CDIN1: variants seen among roughly 807,000 people sequenced by gnomAD.
The protein encoded by CDIN1 is CDAN1 interacting nuclease 1.
Under a neutral mutation model 45.3 loss-of-function variants are expected in CDIN1, and 33 were observed. The ratio of observed to expected loss-of-function variants is 0.73; its 90% CI spans 0.55 to 0.97. CDIN1 has a LOEUF of 0.97. Ranked by LOEUF, CDIN1 falls within the 50% of genes least tolerant of loss-of-function variation. CDIN1 has a pLI of 0.00. For synonymous variants in CDIN1, 118 were observed against 124.4 expected (o/e 0.95, Z 0.34); for missense variants, 303 against 339.4 (o/e 0.89, Z 0.84).
At chr15:36,678,511 G>C (rs1278699768) in intron 5 of CDIN1, among the ~76,000 whole-genome samples, 1 of 152,178 alleles carries the variant, frequency 6.6e-6, no homozygotes, top group Non-Finnish European at 1.5e-5. Context: ...CCATCCAGCT[G>C]TTCAGTTGCA....
At chr15:36,784,868 C>A (rs2054449506) in intron 10 of CDIN1, among the ~76,000 whole-genome samples, 1 of 152,138 alleles carries the variant, frequency 6.6e-6, no homozygotes, top group African/African-American at 2.4e-5. Context: ...GGCTGGAATT[C>A]CTGTAAGCTC....
chr15:36,774,492 C>CA (rs879547544), intron 10 of CDIN1, among the ~76,000 whole-genome samples: 2,914 of 140,596 alleles, frequency 0.021, 93 homozygotes, highest in African/African-American at 0.069. Context: ...TTTCATTTAG[C>CA]AAAAAAAAAA....
chr15:36,643,497 G>A (rs978059803), intron 1 of CDIN1, among the ~76,000 whole-genome samples: 2 of 152,210 alleles, frequency 1.3e-5, no homozygotes, highest in East Asian at 3.8e-4. Context: ...TAAGTTAGAC[G>A]TGTCTGTAAA....
At chr15:36,650,948 A>G (rs1385769723) in intron 3 of CDIN1, among the ~76,000 whole-genome samples, 1 of 152,022 alleles carries the variant, frequency 6.6e-6, no homozygotes, top group Non-Finnish European at 1.5e-5. Flanking sequence ...CTGTAGTCTC[A>G]GCTACTTGGG....
At chr15:36,630,793 G>A (rs2039647721) in intron 1 of CDIN1, among the ~76,000 whole-genome samples, 1 of 152,174 alleles carries the variant, frequency 6.6e-6, no homozygotes, top group Non-Finnish European at 1.5e-5. Flanking sequence ...GAGCTGATAT[G>A]TGCAGAGACC....
At chr15:36,727,453 A>T (rs2043677208) in intron 10 of CDIN1, among the ~76,000 whole-genome samples, 1 of 151,964 alleles carries the variant, frequency 6.6e-6, no homozygotes, top group Admixed American at 6.6e-5. Flanking sequence ...CAGTGGAGTG[A>T]TGGGTAATGA....
intron 10 of CDIN1, among the ~76,000 whole-genome samples, chr15:36,721,786 C>G (rs142567484): frequency 9.9e-5 from 15 of 152,024 alleles, no homozygotes; most frequent in East Asian, 1.9e-4. Context: ...CTCTCTCTCT[C>G]TCTGTCTGTC....
intron 10 of CDIN1, among the ~76,000 whole-genome samples, chr15:36,796,873 T>A (rs1344141265): frequency 6.6e-6 from 1 of 152,264 alleles, no homozygotes; most frequent in Non-Finnish European, 1.5e-5. Flanking sequence ...ACTATAAAGT[T>A]GACCTTTGAA....
At chr15:36,644,239 C>A in intron 1 of CDIN1, 39 bp from the exon 2 acceptor site, 2 of 1,601,590 alleles carry the variant, frequency 1.2e-6, no homozygotes, top group Non-Finnish European at 1.7e-6. Flanking sequence ...TTGCCGTGCA[C>A]TCCAGTAATT....
intron 5 of CDIN1, among the ~76,000 whole-genome samples, chr15:36,664,648 G>A (rs1468492715): frequency 5.3e-5 from 8 of 152,038 alleles, no homozygotes; most frequent in African/African-American, 1.2e-4. Flanking sequence ...CCGGGTTCAC[G>A]CCATTCTCCT....
intron 1 of CDIN1, among the ~76,000 whole-genome samples, chr15:36,598,438 C>T (rs2037940730): frequency 6.6e-6 from 1 of 152,190 alleles, no homozygotes; most frequent in Admixed American, 6.5e-5. Context: ...ATCGTTCTCC[C>T]AGACATGATC....
intron 1 of CDIN1, among the ~76,000 whole-genome samples, chr15:36,640,291 A>G (rs2040056165): frequency 1.3e-5 from 2 of 152,080 alleles, no homozygotes; most frequent in South Asian, 4.1e-4. Context: ...CATTGCTTTT[A>G]TAGAAAATAC....
intron 7 of CDIN1, 111 bp downstream of exon 7, chr15:36,692,286 C>A: frequency 1.0e-6 from 1 of 989,788 alleles, no homozygotes; most frequent in Non-Finnish European, 1.5e-6. Flanking sequence ...ACATTTCATA[C>A]TCTTCTATTT....
At chr15:36,794,286 C>T (rs1440496608) in intron 10 of CDIN1, among the ~76,000 whole-genome samples, 1 of 152,010 alleles carries the variant, frequency 6.6e-6, no homozygotes, top group Non-Finnish European at 1.5e-5. Flanking sequence ...TCTCGATCTC[C>T]TGACTTCGTG....
intron 10 of CDIN1, among the ~76,000 whole-genome samples, chr15:36,762,400 T>G (rs2141000884): frequency 6.6e-6 from 1 of 152,366 alleles, no homozygotes; most frequent in Non-Finnish European, 1.5e-5. Context: ...TATTCTGTTC[T>G]GATTTATCTA....
chr15:36,657,148 A>G (rs1157581703), intron 4 of CDIN1, among the ~76,000 whole-genome samples: 1 of 152,144 alleles, frequency 6.6e-6, no homozygotes. Flanking sequence ...TCTTTATTTT[A>G]AAAAGTTACC....
intron 1 of CDIN1, among the ~76,000 whole-genome samples, chr15:36,623,872 A>G (rs2039309093): frequency 6.6e-6 from 1 of 152,244 alleles, no homozygotes. Context: ...TTAAGAACCT[A>G]GAGTCTAAGG....
chr15:36,692,657 C>A (rs890088352), intron 7 of CDIN1, among the ~76,000 whole-genome samples: 5 of 152,130 alleles, frequency 3.3e-5, no homozygotes, highest in African/African-American at 1.2e-4. Context: ...TGCTTAAATG[C>A]TGATTACAAT....
intron 1 of CDIN1, chr15:36,618,222 T>G (rs2038989224): frequency 1.5e-6 from 1 of 676,738 alleles, no homozygotes; most frequent in African/African-American, 1.8e-5. Flanking sequence ...AGCCTCATTT[T>G]AGGTCATCCA....
Sources: gnomAD v4.1 joint callset for allele counts (sites outside exome capture counted in the v4.1 genomes callset) on GRCh38, gnomAD v4.1.1 for gene constraint, MANE v1.5 for transcripts, NCBI Gene and HGNC (gene_info 2026-07-23, HGNC 2026-07-21) for gene names.